Variants in ZNF536 observed in about 807,000 individuals in gnomAD.
The protein encoded by ZNF536 is zinc finger protein 536.
Under a neutral mutation model 84.5 loss-of-function variants are expected in ZNF536, and 13 were observed. That is an observed-to-expected ratio of 0.15 (90% CI 0.10 to 0.24). The LOEUF is 0.24. ZNF536 is among the 10% of genes least tolerant of loss of function. The probability of loss-of-function intolerance (pLI) is 1.00; values close to 1 mark genes in which losing one functional copy is unlikely to be tolerated. For missense variants in ZNF536, 1,536 were observed against 1,747.5 expected (o/e 0.88, Z 2.16); for synonymous variants, 811 against 742.5 (o/e 1.09, Z -1.50).
At chr19:30,503,938 G>A (rs1037242957) in intron 2 of ZNF536, among the ~76,000 whole-genome samples, 2 of 148,936 alleles carry the variant, frequency 1.3e-5, no homozygotes, top group East Asian at 2.0e-4. Context: ...TTTAATGAAC[G>A]CGTTATTTTT....
intron 1 of ZNF536, among the ~76,000 whole-genome samples, chr19:30,666,964 C>T (rs1379675672): frequency 6.6e-6 from 1 of 152,032 alleles, no homozygotes; most frequent in African/African-American, 2.4e-5. Flanking sequence ...TAACCCTGGG[C>T]TCATGTCTCC....
chr19:30,481,048 T>A (rs377213580), intron 2 of ZNF536, among the ~76,000 whole-genome samples: 3 of 138,508 alleles, frequency 2.2e-5, no homozygotes, highest in African/African-American at 7.9e-5. Flanking sequence ...AAAAAAAGGG[T>A]GGGTTGGGGG....
At chr19:30,421,956 G>T (rs1239664885) in intron 1 of ZNF536, among the ~76,000 whole-genome samples, 1 of 151,864 alleles carries the variant, frequency 6.6e-6, no homozygotes, top group Admixed American at 6.6e-5. Flanking sequence ...TTCCATTTAG[G>T]GTAATGATAT....
intron 1 of ZNF536, among the ~76,000 whole-genome samples, chr19:30,628,095 C>G (rs191488080): frequency 3.9e-5 from 6 of 152,200 alleles, no homozygotes; most frequent in African/African-American, 1.4e-4. Flanking sequence ...GCTTTCTGCA[C>G]GAGGGTGCCC....
At chr19:30,238,360 C>T (rs2023691686) in intron 1 of ZNF536, among the ~76,000 whole-genome samples, 1 of 151,874 alleles carries the variant, frequency 6.6e-6, no homozygotes. Flanking sequence ...ATGGAGGGGT[C>T]TGGGGTCTAA....
chr19:30,652,495 C>A (rs8104134), intron 1 of ZNF536, among the ~76,000 whole-genome samples: 2 of 152,078 alleles, frequency 1.3e-5, no homozygotes, highest in African/African-American at 4.8e-5. Flanking sequence ...TCTCTGCTGA[C>A]GAGGCCTGGG....
chr19:30,582,683 G>A (rs980484525), intron 1 of ZNF536, among the ~76,000 whole-genome samples: 2 of 152,132 alleles, frequency 1.3e-5, no homozygotes, highest in African/African-American at 4.8e-5. Context: ...TGTGACTGGG[G>A]AGGCCTCACA....
chr19:30,422,126 G>A (rs2050987520), intron 1 of ZNF536, among the ~76,000 whole-genome samples: 1 of 152,130 alleles, frequency 6.6e-6, no homozygotes, highest in Admixed American at 6.5e-5. Context: ...CTGAAACTGG[G>A]AGCACAGATC....
At chr19:30,479,479 T>G (rs2053983700) in intron 2 of ZNF536, among the ~76,000 whole-genome samples, 2 of 152,216 alleles carry the variant, frequency 1.3e-5, no homozygotes, top group African/African-American at 2.4e-5. Context: ...AGACAGGAAT[T>G]GCTAGTTGGC....
rs191478623 is a variant in ZNF536, at chr19:30,581,873, G to T, written c.169+32359G>T. ...TGCTTGAACCCAGGAGGCAGAGGTT[G>T]CAGTAAGCTGAGATCGTGCCACTGC... On this transcript the variant is annotated intron_variant, in intron 1 of 1. Coordinates refer to the ZNF536 transcript ENST00000592773. Among the ~76,000 whole-genome samples the T allele has an allele frequency of 8.7e-4, 133 of 152,324 alleles. 1 individual carries two copies. The highest frequency in any genetic ancestry group is 2.9e-3 in the African/African-American group (120 of 41,568).
At chr19:30,226,893 C>T (rs1281342446), upstream of ZNF536, among the ~76,000 whole-genome samples, 1 of 151,642 alleles carries the variant, frequency 6.6e-6, no homozygotes, top group Non-Finnish European at 1.5e-5. This position sits in a 1 kb window ranked among gnomAD's most constrained non-coding sequence, Gnocchi z 4.6. Context: ...ATGATCTTTG[C>T]TGATAAGCCT....
In ZNF536 at chr19:30,664,209, T is replaced by C. The variant is rs193076407; in HGVS notation, c.170-46548T>C. 0.012 allele frequency among the ~76,000 whole-genome samples: 73 copies of C among 6,252 alleles called. 2 individuals are homozygous for C. The East Asian group carries it at 0.29, about 25-fold the overall frequency. The allele number at this position is 6,252 out of a possible 152,430, so 4.1% of individuals were successfully genotyped here. ...AGAGGAATTCTTGCTGAGTTTTCTCTCTCTCTCTCTCTCTCTCTCTCTCTC... is the reference window on the plus strand; with the variant it reads ...AGAGGAATTCTTGCTGAGTTTTCTCCCTCTCTCTCTCTCTCTCTCTCTCTC... On this transcript the variant is annotated intron_variant, in intron 1 of 1. Coordinates refer to the ZNF536 transcript ENST00000592773.
intron 1 of ZNF536, among the ~76,000 whole-genome samples, chr19:30,229,558 C>T (rs1006366954): frequency 2.7e-5 from 4 of 149,776 alleles, no homozygotes; most frequent in Non-Finnish European, 5.9e-5. Context: ...ACCCTGAAAG[C>T]TGCTGCGGGT....
chr19:30,579,670 T>A (rs146744367), intron 1 of ZNF536, among the ~76,000 whole-genome samples: 18 of 152,330 alleles, frequency 1.2e-4, no homozygotes, highest in African/African-American at 4.3e-4. Flanking sequence ...GAAGGAGGCA[T>A]GAGCCTTGTA....
intron 2 of ZNF536, among the ~76,000 whole-genome samples, chr19:30,475,957 G>A (rs2053828478): frequency 6.6e-6 from 1 of 152,156 alleles, no homozygotes; most frequent in Admixed American, 6.5e-5. Flanking sequence ...AGAGTGAAAT[G>A]CATTGGTAGC....
rs552408489 is a variant in ZNF536, at chr19:30,248,524, G to A, written c.-190+19851G>A. Among the ~76,000 whole-genome samples, 4 of 152,142 alleles carry A rather than the reference G, an allele frequency of 2.6e-5. No individual in the cohort carries two copies. The South Asian group carries it at 8.3e-4, about 32-fold the overall frequency. ...CTCCCAAATTGCTGAGATTGCAGGG[G>A]TGAGCCACTGTGCCCAACCAGAATC... On this transcript the variant is annotated intron_variant, in intron 1 of 5. Transcript: ENST00000585628.
At chr19:30,392,887 T>C (rs1331242044) in intron 1 of ZNF536, among the ~76,000 whole-genome samples, 4 of 152,186 alleles carry the variant, frequency 2.6e-5, no homozygotes, top group African/African-American at 9.7e-5. Flanking sequence ...AATTGCTTGG[T>C]AACTTCAAAT....
chr19:30,548,820 T>A lies in ZNF536; in HGVS notation c.3201T>A (p.Asn1067Lys), dbSNP rs1269669454. The A allele has an allele frequency of 6.2e-7, 1 of 1,614,008 alleles. No individual in the cohort carries two copies. Residue 1067 changes from asparagine to lysine, a missense_variant, in exon 4 of 5, where the codon AAT becomes AAA. Coordinates refer to ENST00000355537, the MANE Select transcript of ZNF536 (RefSeq NM_014717.3). ...LQSNKDLGLS[N>K]MISSLDSASE... ...CAAACAAAGACCTGGGCCTCTCCAA[T>A]ATGATCAGCTCTCTAGACTCTGCTT...
intron 1 of ZNF536, among the ~76,000 whole-genome samples, chr19:30,278,287 G>T (rs1372697129): frequency 6.6e-6 from 1 of 152,170 alleles, no homozygotes; most frequent in Non-Finnish European, 1.5e-5. Context: ...GGGCTGGGAG[G>T]GTTTGAATTG....
Sources: allele counts gnomAD v4.1 joint callset (sites outside exome capture counted in the v4.1 genomes callset), GRCh38; gene constraint gnomAD v4.1.1; non-coding constraint Gnocchi (gnomAD v3.1); transcripts MANE v1.5; gene names NCBI Gene and HGNC (gene_info 2026-07-23, HGNC 2026-07-21).